The following AGBL3 variants were observed in gnomAD, a reference collection of about 807,000 sequenced individuals.
AGBL3 encodes cytosolic carboxypeptidase 3.
AGBL3 carries 68 observed loss-of-function variants against 94.5 expected under a neutral mutation model. The observed-to-expected ratio is 0.72, with a 90% confidence interval of 0.59 to 0.88. The LOEUF (loss-of-function observed/expected upper bound fraction) is 0.88, where lower values mean the gene tolerates loss of function less well. Ranked by LOEUF, AGBL3 falls within the 40% of genes least tolerant of loss-of-function variation. The pLI is 0.00. For synonymous variants in AGBL3, 354 were observed against 370.7 expected (o/e 0.95, Z 0.52); for missense variants, 934 against 1,103.8 (o/e 0.85, Z 2.18).
intron 3 of AGBL3, among the ~76,000 whole-genome samples, chr7:134,989,762 A>G (rs1223941581): frequency 6.6e-6 from 1 of 152,120 alleles, no homozygotes; most frequent in Non-Finnish European, 1.5e-5. Flanking sequence ...AAACTCTAAG[A>G]TATCTCTACT....
intron 15 of AGBL3, among the ~76,000 whole-genome samples, chr7:135,089,141 A>G (rs6956427): frequency 0.49 from 73,528 of 151,532 alleles, 18,211 homozygotes; most frequent in South Asian, 0.66. Flanking sequence ...TTCTGCTTAA[A>G]TCTGCCATCA....
intron 15 of AGBL3, among the ~76,000 whole-genome samples, chr7:135,109,499 C>T (rs940562986): frequency 1.3e-5 from 2 of 152,194 alleles, no homozygotes; most frequent in African/African-American, 4.8e-5. Context: ...TTCTGTATGG[C>T]TGCTGCAGTA....
chr7:135,135,180 T>A lies in AGBL3; in HGVS notation c.2682T>A (p.His894Gln). 1 of 1,549,730 alleles carries A rather than the reference T, an allele frequency of 6.5e-7. No homozygotes were observed. Among genetic ancestry groups the A allele is most frequent in the Non-Finnish European group, 8.7e-7 (1 of 1,146,282 alleles). The change falls in exon 17 of 17, where the codon CAT becomes CAA. Residue 894 changes from histidine to glutamine, a missense_variant. By Grantham distance (24) the His-to-Gln change is conservative. Around this residue, in one of 3 missense-constraint regions of AGBL3, gnomAD observed 441 missense variants for 518.2 expected, o/e 0.85. Transcript: ENST00000436302. ...NQQSSKHTAL[H>Q]LTKNKDEQAN... is the part of the protein sequence containing the mutation. ...AAAGCTCTAAGCATACAGCCCTCCA[T>A]CTAACTAAAAATAAGGATGAGCAGG...
At chr7:135,053,952 A>C (rs1409945538) in intron 11 of AGBL3, among the ~76,000 whole-genome samples, 1 of 152,212 alleles carries the variant, frequency 6.6e-6, no homozygotes, top group Non-Finnish European at 1.5e-5. Flanking sequence ...CTGTGTCAAA[A>C]TCAAGGCTGA....
At chr7:135,096,750 A>T (rs867903154) in intron 15 of AGBL3, among the ~76,000 whole-genome samples, 5 of 119,542 alleles carry the variant, frequency 4.2e-5, no homozygotes, top group Non-Finnish European at 9.1e-5. Context: ...AATGAAAGAA[A>T]GAAAGAAAGA....
chr7:135,135,017 A>C lies in AGBL3; in HGVS notation c.2519A>C (p.Lys840Thr). ...LSPLKGPKKNKHSQIWAIKNE... is the reference protein window; with the variant it reads ...LSPLKGPKKNTHSQIWAIKNE... ...CCTCTCAAAGGCCCCAAGAAGAATAAACATTCTCAAATCTGGGCCATAAAG... is the reference window on the plus strand; with the variant it reads ...CCTCTCAAAGGCCCCAAGAAGAATACACATTCTCAAATCTGGGCCATAAAG... Residue 840 changes from lysine (K) to threonine (T), a missense_variant, in exon 17 of 17, where the codon AAA (lysine) becomes ACA (threonine). Lys to Thr is a moderately conservative substitution (Grantham distance 78, BLOSUM62 -1). This residue lies in a region of AGBL3 where 441 missense variants were observed against 518.2 expected (regional missense o/e 0.85). Coordinates refer to ENST00000436302, the MANE Select transcript of AGBL3 (RefSeq NM_178563.4). 1 of 1,551,204 alleles carries C rather than the reference A, an allele frequency of 6.4e-7. No homozygotes were observed. Among genetic ancestry groups the C allele is most frequent in the Non-Finnish European group, 8.7e-7 (1 of 1,146,658 alleles).
chr7:135,033,382 T>G (rs1815976129), intron 6 of AGBL3, among the ~76,000 whole-genome samples: 1 of 152,220 alleles, frequency 6.6e-6, no homozygotes, highest in Non-Finnish European at 1.5e-5. Context: ...TCTGTGTCCA[T>G]GGCCACATAC....
chr7:135,134,945 C>T lies in AGBL3; in HGVS notation c.2447C>T (p.Ser816Leu). Residue 816 changes from serine (S) to leucine (L), a missense_variant, in exon 17 of 17, where the codon TCA (serine) becomes TTA (leucine). Physicochemically the swap from Ser to Leu is moderately radical, Grantham distance 145. This residue lies in a region of AGBL3 where 441 missense variants were observed against 518.2 expected (regional missense o/e 0.85). Transcript: ENST00000436302. ...VIQGDVMANS[S>L]EWVQSKPHRS... is the part of the protein sequence containing the mutation. Reference sequence around the variant, plus strand: ...CAAGGGGATGTTATGGCAAACTCTTCAGAATGGGTCCAGTCTAAGCCCCAC... The same window carrying T: ...CAAGGGGATGTTATGGCAAACTCTTTAGAATGGGTCCAGTCTAAGCCCCAC... 1 of 1,551,152 alleles carries T rather than the reference C, an allele frequency of 6.4e-7. No individual in the cohort carries two copies. Among genetic ancestry groups the T allele is most frequent in the African/African-American group, 1.4e-5 (1 of 73,100 alleles).
chr7:135,000,302 G>T (rs946344554), intron 4 of AGBL3, among the ~76,000 whole-genome samples: 7 of 152,202 alleles, frequency 4.6e-5, no homozygotes, highest in African/African-American at 1.7e-4. Context: ...CTCTGAGGGT[G>T]TTTCTGGAAT....
At chr7:135,036,801 G>A (rs560221612) in intron 7 of AGBL3, among the ~76,000 whole-genome samples, 4 of 152,302 alleles carry the variant, frequency 2.6e-5, no homozygotes, top group East Asian at 3.9e-4. Flanking sequence ...AAGAAAATAC[G>A]TGAAAGGTAA....
At chr7:135,029,880 G>C (rs994836685) in intron 5 of AGBL3, among the ~76,000 whole-genome samples, 3 of 152,102 alleles carry the variant, frequency 2.0e-5, no homozygotes, top group Non-Finnish European at 4.4e-5. Context: ...TCAGGGAATA[G>C]GGAGGCCCAA....
intron 15 of AGBL3, among the ~76,000 whole-genome samples, chr7:135,088,825 T>C (rs1351578885): frequency 2.6e-5 from 4 of 152,250 alleles, no homozygotes; most frequent in African/African-American, 9.6e-5. Context: ...CTTTTGACAA[T>C]ATGACTGTAA....
Position 134,993,583 on chromosome 7 carries a change from C to G in AGBL3, c.215C>G (p.Pro72Arg), listed in dbSNP as rs369701730. Residue 72 changes from proline (P) to arginine (R), a missense_variant, in exon 4 of 17, where the codon CCA becomes CGA. Physicochemically the swap from Pro to Arg is moderately radical, Grantham distance 103. Around this residue, in one of 3 missense-constraint regions of AGBL3, gnomAD observed 488 missense variants for 563.6 expected, o/e 0.87. Transcript: ENST00000436302. Reference sequence around the variant, plus strand: ...AGATGGGTGCCACGTCTTCGTGAACCAAGGGATTTATATGGTGTCTCTTCT... The same window carrying G: ...AGATGGGTGCCACGTCTTCGTGAACGAAGGGATTTATATGGTGTCTCTTCT... ...LGRWVPRLRE[P>R]RDLYGVSSSG... is the part of the protein sequence containing the mutation. The G allele has an allele frequency of 3.4e-5, 53 of 1,551,844 alleles. No individual in the cohort carries two copies. Among genetic ancestry groups the G allele is most frequent in the Non-Finnish European group, 1.4e-5 (16 of 1,147,032 alleles).
chr7:135,107,564 G>T (rs1563272973), intron 15 of AGBL3, among the ~76,000 whole-genome samples: 1 of 152,078 alleles, frequency 6.6e-6, no homozygotes, highest in Non-Finnish European at 1.5e-5. Context: ...TTTTTATTGT[G>T]CTGTGATCTA....
intron 7 of AGBL3, among the ~76,000 whole-genome samples, chr7:135,035,674 G>A (rs1563204171): frequency 6.6e-6 from 1 of 152,042 alleles, no homozygotes; most frequent in Non-Finnish European, 1.5e-5. Context: ...TGTTTCTAAA[G>A]TTATTCAAAT....
At chr7:134,988,759 C>G (rs552106072) in intron 2 of AGBL3, among the ~76,000 whole-genome samples, 9 of 152,034 alleles carry the variant, frequency 5.9e-5, no homozygotes, top group African/African-American at 1.9e-4. Flanking sequence ...CTCAGCCACC[C>G]GAGTAGCTGG....
At chr7:135,003,233 A>G (rs1219672944) in intron 4 of AGBL3, among the ~76,000 whole-genome samples, 2 of 152,108 alleles carry the variant, frequency 1.3e-5, no homozygotes, top group African/African-American at 2.4e-5. Context: ...TTCCAACAAA[A>G]TTTATTAAAT....
rs375694795 is a variant in AGBL3, at chr7:135,038,850, T to G, written c.1500+1270T>G. ...GGCAGGTGCCTGTAGTCCCAGCTAC[T>G]CAGGAGGCTGAGGCAGGAGAATGGT... On this transcript the variant is annotated intron_variant, in intron 8 of 16. Coordinates refer to ENST00000436302, the MANE Select transcript of AGBL3 (RefSeq NM_178563.4). 4.6e-5 allele frequency among the ~76,000 whole-genome samples: 7 copies of G among 151,994 alleles called. No homozygotes were observed. In the East Asian group the frequency reaches 1.4e-3, roughly 29 times the overall value.
chr7:135,072,219 A>C (rs1273531357), intron 12 of AGBL3, among the ~76,000 whole-genome samples: 1 of 152,248 alleles, frequency 6.6e-6, no homozygotes, highest in African/African-American at 2.4e-5. Flanking sequence ...ATGAGATACC[A>C]TCTCACACCA....
Sources: gnomAD v4.1 joint callset for allele counts (sites outside exome capture counted in the v4.1 genomes callset) on GRCh38, gnomAD v4.1.1 for gene constraint, gnomAD v4.1.1 regional missense constraint, MANE v1.5 for transcripts, NCBI Gene and HGNC (gene_info 2026-07-23, HGNC 2026-07-21) for gene names.